Variants in OR2M3 observed in about 807,000 individuals in gnomAD.
The protein encoded by OR2M3 is olfactory receptor 2M3.
A neutral mutation model predicts 4.3 loss-of-function variants in OR2M3; 1 was observed. That is an observed-to-expected ratio of 0.23 (90% CI 0.08 to 1.11). The LOEUF (loss-of-function observed/expected upper bound fraction) is 1.11. Ranked by LOEUF, OR2M3 falls within the 50% of genes most tolerant of loss-of-function variation. OR2M3 has a pLI of 0.54. For missense variants in OR2M3, 410 were observed against 390.4 expected, an observed-to-expected ratio of 1.05 and a Z score of -0.42; for synonymous variants, 151 against 139.4, an observed-to-expected ratio of 1.08 and a Z score of -0.59.
Position 248,208,299 on chromosome 1 carries a change from C to T in OR2M3, c.*4293C>T, listed in dbSNP as rs942370586. 1 of 152,046 alleles carries T rather than the reference C, an allele frequency of 6.6e-6. No homozygotes were observed. Among genetic ancestry groups the T allele is most frequent in the African/African-American group, 2.4e-5 (1 of 41,398 alleles). 9.4% of individuals were successfully genotyped at this position (152,046 alleles called of 1,614,324 possible). A position where few individuals can be genotyped will look rare whatever the true frequency, so the allele number is the denominator to read the frequency against. ...TATTTTTTAAGTGGAACATTTAGGC[C>T]ACTAACATCAATGTCGGAATTGAGA... On this transcript the variant is annotated 3_prime_UTR_variant, in exon 2 of 2. Coordinates refer to ENST00000641626, the MANE Select transcript of OR2M3 (RefSeq NM_001004689.2).
rs1277046595 is a variant in OR2M3, at chr1:248,208,353, A to G, written c.*4347A>G. 6.6e-6 allele frequency: 1 copy of G among 152,022 alleles called. No individual in the cohort carries two copies. Among genetic ancestry groups the G allele is most frequent in the Non-Finnish European group, 1.5e-5 (1 of 67,976 alleles). 9.4% of individuals were successfully genotyped at this position (152,022 alleles called of 1,614,324 possible). On this transcript the variant is annotated 3_prime_UTR_variant, in exon 2 of 2. Transcript: ENST00000641626. ...GAGGTACTATTCTATACATCGTGCT[A>G]TTTGTTACCTGAATATCTGAAGTTT...
At position 248,207,376 on chromosome 1, in the gene OR2M3, T is replaced by C. The variant is rs1270647377; in HGVS notation, c.*3370T>C. The C allele has an allele frequency of 1.3e-5, 2 of 152,008 alleles. No individual in the cohort carries two copies. The highest frequency in any genetic ancestry group is 2.9e-5 in the Non-Finnish European group (2 of 67,910). The allele number at this position is 152,008 out of a possible 1,614,324, so 9.4% of individuals were successfully genotyped here. Reference sequence around the variant, plus strand: ...GGGTTTGGATTGTTCTTGTTTCTCCTGTTCTGTGAGGTGCGACCTAAGATT... The same window carrying C: ...GGGTTTGGATTGTTCTTGTTTCTCCCGTTCTGTGAGGTGCGACCTAAGATT... On this transcript the variant is annotated 3_prime_UTR_variant, in exon 2 of 2. Coordinates refer to ENST00000641626, the MANE Select transcript of OR2M3 (RefSeq NM_001004689.2).
At position 248,211,560 on chromosome 1, in the gene OR2M3, G is replaced by A. The variant is rs1666283137; in HGVS notation, c.*7554G>A. On this transcript the variant is annotated 3_prime_UTR_variant, in exon 2 of 2. Transcript: ENST00000641626. ...TTTTTTAATTACAGAGTCTCGCTCT[G>A]GGGCCCAGGCTGGAGTGCGGTGGTG... 1 of 150,192 alleles carries A rather than the reference G, an allele frequency of 6.7e-6. No homozygotes were observed. Among genetic ancestry groups the A allele is most frequent in the Admixed American group, 6.6e-5 (1 of 15,072 alleles). 9.3% of individuals were successfully genotyped at this position (150,192 alleles called of 1,614,324 possible). A position where few individuals can be genotyped will look rare whatever the true frequency, so the allele number is the denominator to read the frequency against.
Position 248,211,867 on chromosome 1 carries a change from A to G in OR2M3, c.*7861A>G, listed in dbSNP as rs895507141. On this transcript the variant is annotated 3_prime_UTR_variant, in exon 2 of 2. Transcript: ENST00000641626. The stretch of plus-strand genomic sequence containing the variant: ...ACTCTATTGCTGTCACATTCCCTAT[A>G]AGGAAAATCATTTAATCTTAGTTGC... The G allele has an allele frequency of 6.6e-6, 1 of 152,200 alleles. No individual in the cohort carries two copies. Among genetic ancestry groups the G allele is most frequent in the African/African-American group, 2.4e-5 (1 of 41,450 alleles). The allele number at this position is 152,200 out of a possible 1,614,324, so 9.4% of individuals were successfully genotyped here. A position where few individuals can be genotyped will look rare whatever the true frequency, so the allele number is the denominator to read the frequency against.
In OR2M3 at chr1:248,205,678, T is replaced by A. The variant is rs1250848572; in HGVS notation, c.*1672T>A. 1 of 152,156 alleles carries A rather than the reference T, an allele frequency of 6.6e-6. No homozygotes were observed. The highest frequency in any genetic ancestry group is 1.5e-5 in the Non-Finnish European group (1 of 68,002). The allele number at this position is 152,156 out of a possible 1,614,324, so 9.4% of individuals were successfully genotyped here. ...TCTCTATTTTTATCCAGTACCATGC[T>A]GTTTTGGTGACTATGGCTTTATAGT... On this transcript the variant is annotated 3_prime_UTR_variant, in exon 2 of 2. Transcript: ENST00000641626.
Position 248,202,359 on chromosome 1 carries a change from T to C in OR2M3, c.-18-691T>C, listed in dbSNP as rs142950894. 1.9e-3 allele frequency among the ~76,000 whole-genome samples: 291 copies of C among 152,230 alleles called. 3 individuals are homozygous for C. In the Middle Eastern group the frequency reaches 0.024, roughly 13 times the overall value. Reference sequence around the variant, plus strand: ...AACTGATTAGAGAAACCCACTCTAATCCAATATGATCTCACCTTAACTAGT... The same window carrying C: ...AACTGATTAGAGAAACCCACTCTAACCCAATATGATCTCACCTTAACTAGT... On this transcript the variant is annotated intron_variant, in intron 1 of 1. Coordinates refer to ENST00000641626, the MANE Select transcript of OR2M3 (RefSeq NM_001004689.2).
Position 248,203,670 on chromosome 1 carries a change from C to A in OR2M3, c.603C>A (p.Ile201=). Residue 201 remains isoleucine (I), a synonymous_variant, in exon 2 of 2, where the codon ATC becomes ATA. Transcript: ENST00000641626. ...CAATATTTGAAAAGATTCTTTTCAT[C>A]TGCTGTATAGTAATGATTGTTTTCC... The part of the protein sequence containing the change: ...DTSIFEKILF[I]CCIVMIVFPV... 1 of 1,613,688 alleles carries A rather than the reference C, an allele frequency of 6.2e-7. No homozygotes were observed. Among genetic ancestry groups the A allele is most frequent in the African/African-American group, 1.3e-5 (1 of 75,002 alleles).
rs961218256 is a variant in OR2M3 at position 248,211,386 on chromosome 1, T to G, written c.*7380T>G. The G allele has an allele frequency of 6.6e-6, 1 of 152,166 alleles. No homozygotes were observed. The highest frequency in any genetic ancestry group is 1.5e-5 in the Non-Finnish European group (1 of 68,026). The allele number at this position is 152,166 out of a possible 1,614,324, so 9.4% of individuals were successfully genotyped here. On this transcript the variant is annotated 3_prime_UTR_variant, in exon 2 of 2. Transcript: ENST00000641626. ...TTTCATTATTTAAATTCTCAGTGGA[T>G]AGATAATTTACATGTGCCCCTAAAC... is the stretch of plus-strand genomic sequence containing the variant.
intron 1 of OR2M3, among the ~76,000 whole-genome samples, chr1:248,198,376 A>G (rs1370201839): frequency 6.6e-6 from 1 of 152,160 alleles, no homozygotes; most frequent in African/African-American, 2.4e-5. Context: ...CATCAATGCT[A>G]CTTCTTGTAG....
chr1:248,202,591 A>T (rs1239649804), intron 1 of OR2M3, among the ~76,000 whole-genome samples: 1 of 152,144 alleles, frequency 6.6e-6, no homozygotes, highest in African/African-American at 2.4e-5. Context: ...AGACAAACAG[A>T]TTTTGTTAAC....
rs1666204217 is a variant in OR2M3, at chr1:248,204,593, A to G, written c.*587A>G. On this transcript the variant is annotated 3_prime_UTR_variant, in exon 2 of 2. Transcript: ENST00000641626. ...TTTGTATTTTTTATGACTGAGTAGT[A>G]TTCCATGGTATGTGTGTATATAGAT... The G allele has an allele frequency of 6.6e-6, 1 of 152,242 alleles. No individual in the cohort carries two copies. The highest frequency in any genetic ancestry group is 2.4e-5 in the African/African-American group (1 of 41,132). The allele number at this position is 152,242 out of a possible 1,614,324, so 9.4% of individuals were successfully genotyped here.
At position 248,207,760 on chromosome 1, in the gene OR2M3, G is replaced by A. The variant is rs1351786125; in HGVS notation, c.*3754G>A. 6.6e-6 allele frequency: 1 copy of A among 152,026 alleles called. No individual in the cohort carries two copies. The highest frequency in any genetic ancestry group is 1.5e-5 in the Non-Finnish European group (1 of 67,954). The allele number at this position is 152,026 out of a possible 1,614,324, so 9.4% of individuals were successfully genotyped here. A position where few individuals can be genotyped will look rare whatever the true frequency, so the allele number is the denominator to read the frequency against. On this transcript the variant is annotated 3_prime_UTR_variant, in exon 2 of 2. Coordinates refer to ENST00000641626, the MANE Select transcript of OR2M3 (RefSeq NM_001004689.2). ...TATCTTGGAGAATGTTCTGTGTACTGATGAATAGAATATATACTCTGCAGT... is the reference window on the plus strand; with the variant it reads ...TATCTTGGAGAATGTTCTGTGTACTAATGAATAGAATATATACTCTGCAGT...
intron 1 of OR2M3, among the ~76,000 whole-genome samples, chr1:248,198,517 C>G (rs1275976310): frequency 3.9e-5 from 6 of 152,126 alleles, no homozygotes; most frequent in African/African-American, 1.4e-4. Flanking sequence ...ATTCCTATTA[C>G]AAAAGGGTAA....
Position 248,207,040 on chromosome 1 carries a change from G to T in OR2M3, c.*3034G>T, listed in dbSNP as rs1235205910. 1 of 151,832 alleles carries T rather than the reference G, an allele frequency of 6.6e-6. No individual in the cohort carries two copies. Among genetic ancestry groups the T allele is most frequent in the East Asian group, 1.9e-4 (1 of 5,174 alleles). 9.4% of individuals were successfully genotyped at this position (151,832 alleles called of 1,614,324 possible). ...TATCTTCCTTTTTTAATCCAGGAGG[G>T]TTGTATAGTTCCAGGAATTTGGTTA... On this transcript the variant is annotated 3_prime_UTR_variant, in exon 2 of 2. Coordinates refer to ENST00000641626, the MANE Select transcript of OR2M3 (RefSeq NM_001004689.2).
Position 248,209,406 on chromosome 1 carries a change from G to A in OR2M3, c.*5400G>A, listed in dbSNP as rs1666255842. 1 of 150,006 alleles carries A rather than the reference G, an allele frequency of 6.7e-6. No individual in the cohort carries two copies. Among genetic ancestry groups the A allele is most frequent in the African/African-American group, 2.5e-5 (1 of 39,438 alleles). The allele number at this position is 150,006 out of a possible 1,614,324, so 9.3% of individuals were successfully genotyped here. ...CAGAACCTTGTTTTATCATATTACAGAATTTTTTTTTCTGGTTCCTTCTTA... is the reference window on the plus strand; with the variant it reads ...CAGAACCTTGTTTTATCATATTACAAAATTTTTTTTTCTGGTTCCTTCTTA... On this transcript the variant is annotated 3_prime_UTR_variant, in exon 2 of 2. Transcript: ENST00000641626.
In OR2M3 at chr1:248,210,130, T is replaced by A. The variant is rs1293410402; in HGVS notation, c.*6124T>A. On this transcript the variant is annotated 3_prime_UTR_variant, in exon 2 of 2. Coordinates refer to ENST00000641626, the MANE Select transcript of OR2M3 (RefSeq NM_001004689.2). The stretch of plus-strand genomic sequence containing the variant: ...CAGAAAAGTGGGAGAAAGCCGGCAG[T>A]CACCAGCTTCACTCAGCATCCACAC... 6.6e-6 allele frequency: 1 copy of A among 152,670 alleles called. No individual in the cohort carries two copies. The highest frequency in any genetic ancestry group is 1.5e-5 in the Non-Finnish European group (1 of 68,616). The allele number at this position is 152,670 out of a possible 1,614,324, so 9.5% of individuals were successfully genotyped here.
In OR2M3 at chr1:248,208,595, A is replaced by T. The variant is rs1666248012; in HGVS notation, c.*4589A>T. 6.6e-6 allele frequency: 1 copy of T among 152,172 alleles called. No homozygotes were observed. Among genetic ancestry groups the T allele is most frequent in the Non-Finnish European group, 1.5e-5 (1 of 68,022 alleles). The allele number at this position is 152,172 out of a possible 1,614,324, so 9.4% of individuals were successfully genotyped here. On this transcript the variant is annotated 3_prime_UTR_variant, in exon 2 of 2. Coordinates refer to ENST00000641626, the MANE Select transcript of OR2M3 (RefSeq NM_001004689.2). ...CATTTCTGAAGCATAGCTTCGCTGG[A>T]TACAAAATTCTTAGCTAATAATTAT...
rs1364033575 is a variant in OR2M3, at chr1:248,211,222, C to A, written c.*7216C>A. The A allele has an allele frequency of 6.6e-6, 1 of 151,946 alleles. No homozygotes were observed. Among genetic ancestry groups the A allele is most frequent in the Non-Finnish European group, 1.5e-5 (1 of 67,986 alleles). The allele number at this position is 151,946 out of a possible 1,614,324, so 9.4% of individuals were successfully genotyped here. A position where few individuals can be genotyped will look rare whatever the true frequency, so the allele number is the denominator to read the frequency against. On this transcript the variant is annotated 3_prime_UTR_variant, in exon 2 of 2. Coordinates refer to ENST00000641626, the MANE Select transcript of OR2M3 (RefSeq NM_001004689.2). ...TTGGAGATGCTGCTGTGACTTCAAC[C>A]CAGGTGACATCTTAACATTTGATCT...
intron 1 of OR2M3, among the ~76,000 whole-genome samples, chr1:248,201,303 C>T (rs2103013353): frequency 6.6e-6 from 1 of 152,132 alleles, no homozygotes; most frequent in Non-Finnish European, 1.5e-5. Context: ...GTCTCTTTCT[C>T]ACTTCCTCAG....
Sources: gnomAD v4.1 joint callset for allele counts (sites outside exome capture counted in the v4.1 genomes callset) on GRCh38, gnomAD v4.1.1 for gene constraint, MANE v1.5 for transcripts, NCBI Gene and HGNC (gene_info 2026-07-23, HGNC 2026-07-21) for gene names.